The following R3HDM1 variants were observed in gnomAD, a reference collection of about 807,000 sequenced individuals.
R3HDM1 encodes the protein R3H domain-containing protein 1.
R3HDM1 carries 46 observed loss-of-function variants against 141.1 expected under a neutral mutation model. That is an observed-to-expected ratio of 0.33 (90% confidence interval 0.26 to 0.42). The LOEUF is 0.42. Ranked by LOEUF, R3HDM1 falls within the 10% of genes least tolerant of loss-of-function variation. R3HDM1 has a pLI of 1.00. For missense variants in R3HDM1, 1,184 were observed against 1,368.3 expected (o/e 0.87, Z 2.12); for synonymous variants, 435 against 472.9 (o/e 0.92, Z 1.04).
At chr2:135,693,467 A>C (rs1391035232) in intron 21 of R3HDM1, among the ~76,000 whole-genome samples, 1 of 152,168 alleles carries the variant, frequency 6.6e-6, no homozygotes, top group Non-Finnish European at 1.5e-5. Context: ...TAATAGTCAG[A>C]TGTTGTAGGG....
intron 3 of R3HDM1, among the ~76,000 whole-genome samples, chr2:135,613,552 C>G (rs1238887109): frequency 6.6e-6 from 1 of 152,136 alleles, no homozygotes; most frequent in Non-Finnish European, 1.5e-5. Flanking sequence ...TATGGTAGTT[C>G]ACACCTGTAA....
intron 19 of R3HDM1, among the ~76,000 whole-genome samples, chr2:135,665,214 C>T (rs11888095): frequency 0.17 from 25,391 of 152,136 alleles, 2,818 homozygotes; most frequent in South Asian, 0.32. Flanking sequence ...CTGTGAAGTA[C>T]ACTGCATATA....
chr2:135,649,527 C>T (rs2064905467), intron 16 of R3HDM1, among the ~76,000 whole-genome samples: 1 of 151,998 alleles, frequency 6.6e-6, no homozygotes, highest in Admixed American at 6.6e-5. Context: ...ATAGGGCAAC[C>T]CTTTCATAAA....
chr2:135,647,613 A>G (rs933662142), intron 16 of R3HDM1, among the ~76,000 whole-genome samples: 1 of 152,218 alleles, frequency 6.6e-6, no homozygotes, highest in African/African-American at 2.4e-5. Context: ...CATTGCTCCA[A>G]GTTCAGGTAA....
At chr2:135,688,850 C>T (rs1372519944) in intron 21 of R3HDM1, among the ~76,000 whole-genome samples, 1 of 152,086 alleles carries the variant, frequency 6.6e-6, no homozygotes, top group Non-Finnish European at 1.5e-5. Context: ...GTAGGAGAAA[C>T]ACTTGAACCC....
At chr2:135,591,316 T>TA (rs997823441) in intron 1 of R3HDM1, among the ~76,000 whole-genome samples, 98 of 152,302 alleles carry the variant, frequency 6.4e-4, no homozygotes, top group African/African-American at 2.3e-3. Context: ...TATATAGAGA[T>TA]ACATTCATTT....
At chr2:135,682,724 T>C (rs1297914206) in intron 21 of R3HDM1, among the ~76,000 whole-genome samples, 1 of 152,206 alleles carries the variant, frequency 6.6e-6, no homozygotes, top group African/African-American at 2.4e-5. Context: ...GTGTTGGGCA[T>C]GGTGGCTCAC....
intron 1 of R3HDM1, among the ~76,000 whole-genome samples, chr2:135,532,269 C>G (rs1450534478): frequency 6.6e-6 from 1 of 152,242 alleles, no homozygotes; most frequent in Non-Finnish European, 1.5e-5. Context: ...GAATGACTGT[C>G]AGTGCCACGG....
intron 21 of R3HDM1, among the ~76,000 whole-genome samples, chr2:135,683,741 A>C (rs1173821581): frequency 6.6e-6 from 1 of 152,156 alleles, no homozygotes; most frequent in Non-Finnish European, 1.5e-5. Context: ...TAAGAAGTCA[A>C]CTATTGGTAA....
At chr2:135,710,743 A>T (rs941101622) in intron 23 of R3HDM1, among the ~76,000 whole-genome samples, 1 of 152,286 alleles carries the variant, frequency 6.6e-6, no homozygotes, top group Non-Finnish European at 1.5e-5. Context: ...ACTTAAAAAG[A>T]TAAACTAGAT....
intron 1 of R3HDM1, chr2:135,577,197 T>C (rs1007120479): frequency 1.0e-6 from 1 of 983,956 alleles, no homozygotes; most frequent in African/African-American, 1.7e-5. Flanking sequence ...AACCAAAGAT[T>C]GACAAATACG....
At chr2:135,686,292 T>C (rs1250830620) in intron 21 of R3HDM1, among the ~76,000 whole-genome samples, 1 of 152,240 alleles carries the variant, frequency 6.6e-6, no homozygotes. Context: ...AATAGAACTA[T>C]CATTTGATCC....
chr2:135,562,085 A>G (rs1327201178), intron 1 of R3HDM1, among the ~76,000 whole-genome samples: 2 of 152,258 alleles, frequency 1.3e-5, no homozygotes, highest in African/African-American at 4.8e-5. Flanking sequence ...TAAAGGAATT[A>G]GAGATACTTA....
At chr2:135,683,100 G>A (rs1209908013) in intron 21 of R3HDM1, among the ~76,000 whole-genome samples, 2 of 152,186 alleles carry the variant, frequency 1.3e-5, no homozygotes, top group African/African-American at 4.8e-5. Flanking sequence ...GTAGTGATTG[G>A]TCACCATGTG....
intron 1 of R3HDM1, chr2:135,561,477 T>A: frequency 2.2e-6 from 1 of 444,976 alleles, no homozygotes; most frequent in Non-Finnish European, 3.0e-6. Context: ...AGCGCTTTGG[T>A]AGGCCAAGGC....
chr2:135,685,504 G>C (rs1161070391), intron 21 of R3HDM1, among the ~76,000 whole-genome samples: 2 of 152,146 alleles, frequency 1.3e-5, no homozygotes, highest in African/African-American at 4.8e-5. Flanking sequence ...TATTACAACT[G>C]ATATACCGAA....
chr2:135,569,456 C>T (rs1408058510), intron 1 of R3HDM1, among the ~76,000 whole-genome samples: 2 of 151,760 alleles, frequency 1.3e-5, no homozygotes, highest in African/African-American at 4.8e-5. Context: ...GCACTCCAGC[C>T]TGGGCAACAA....
At chr2:135,546,910 G>C (rs1258765830) in intron 1 of R3HDM1, among the ~76,000 whole-genome samples, 6 of 152,120 alleles carry the variant, frequency 3.9e-5, no homozygotes, top group African/African-American at 1.2e-4. Flanking sequence ...GACATCAAGT[G>C]ATCTGCCTGC....
At chr2:135,576,570 CATT>C (rs914917650) in intron 1 of R3HDM1, among the ~76,000 whole-genome samples, 3 of 152,088 alleles carry the variant, frequency 2.0e-5, no homozygotes, top group South Asian at 2.1e-4. Flanking sequence ...GTTTTCATAG[CATT>C]ATTCATAACA....
Sources: gnomAD v4.1 joint callset for allele counts (sites outside exome capture counted in the v4.1 genomes callset) on GRCh38, gnomAD v4.1.1 for gene constraint, MANE v1.5 for transcripts, NCBI Gene and HGNC (gene_info 2026-07-23, HGNC 2026-07-21) for gene names.